HYCC1: variants seen among roughly 807,000 people sequenced by gnomAD.
HYCC1 encodes hyccin PI4KA lipid kinase complex subunit 1, also known as hyccin.
At chr7:22,901,656 C>G in the HYCC1 span, among the ~76,000 whole-genome samples, 1 of 151,874 alleles carries the variant, frequency 6.6e-6, no homozygotes, top group East Asian at 1.9e-4. Context: ...ATTAAATAAA[C>G]AATAAGACAA....
chr7:22,904,061 C>T, the HYCC1 span, among the ~76,000 whole-genome samples: 1 of 151,996 alleles, frequency 6.6e-6, no homozygotes, highest in Non-Finnish European at 1.5e-5. Flanking sequence ...AAATGTATAA[C>T]ATAGTAAGAC....
chr7:22,944,550 G>T, the HYCC1 span: 8 of 152,078 alleles, frequency 5.3e-5, no homozygotes, highest in South Asian at 1.5e-3. Flanking sequence ...AACAACTTTA[G>T]TTAATATATA....
chr7:22,935,540 C>T, the HYCC1 span: 5 of 152,196 alleles, frequency 3.3e-5, no homozygotes, highest in African/African-American at 1.2e-4. Context: ...TTTTGTCCTC[C>T]TAATATCCTG....
At chr7:22,960,394 A>C in the HYCC1 span, 18 of 1,613,370 alleles carry the variant, frequency 1.1e-5, no homozygotes, top group Non-Finnish European at 1.5e-5. Context: ...TGAGGCAATG[A>C]AGCCTTTATT....
At chr7:22,990,502 G>A in the HYCC1 span, among the ~76,000 whole-genome samples, 1 of 152,112 alleles carries the variant, frequency 6.6e-6, no homozygotes, top group African/African-American at 2.4e-5. Flanking sequence ...TGTCACATAA[G>A]GACAGAGAAA....
At chr7:22,988,801 C>T in the HYCC1 span, among the ~76,000 whole-genome samples, 4 of 152,118 alleles carry the variant, frequency 2.6e-5, no homozygotes, top group Admixed American at 6.5e-5. Flanking sequence ...TTTCTTCAAT[C>T]AACTTATTTG....
chr7:22,970,934 A>C, the HYCC1 span, among the ~76,000 whole-genome samples: 1 of 152,210 alleles, frequency 6.6e-6, no homozygotes, highest in Non-Finnish European at 1.5e-5. Context: ...GCTGAGTGCC[A>C]TAACAGCTAT....
At chr7:22,978,481 T>C in the HYCC1 span, 1 of 1,547,542 alleles carries the variant, frequency 6.5e-7, no homozygotes. Flanking sequence ...ATTCAAGAAC[T>C]GGACTGTATT....
At chr7:22,990,927 A>G in the HYCC1 span, 1 of 660,608 alleles carries the variant, frequency 1.5e-6, no homozygotes, top group Non-Finnish European at 2.7e-6. Flanking sequence ...ATAACTCTCT[A>G]TTGAGATTTG....
At chr7:22,938,919 T>G in the HYCC1 span, 7 of 152,174 alleles carry the variant, frequency 4.6e-5, no homozygotes, top group African/African-American at 1.4e-4. Context: ...CAGGCTGTCT[T>G]TAGACCACAC....
At chr7:22,930,743 G>A in the HYCC1 span, among the ~76,000 whole-genome samples, 1 of 151,876 alleles carries the variant, frequency 6.6e-6, no homozygotes, top group African/African-American at 2.4e-5. Context: ...AATAATCAAA[G>A]AAACATAAAA....
At chr7:22,917,642 T>C in the HYCC1 span, among the ~76,000 whole-genome samples, 2 of 152,184 alleles carry the variant, frequency 1.3e-5, no homozygotes, top group Non-Finnish European at 2.9e-5. Flanking sequence ...TCAGACATAA[T>C]TCCTGGGTTT....
chr7:22,982,178 G>T, the HYCC1 span, among the ~76,000 whole-genome samples: 7,595 of 152,192 alleles, frequency 0.05, 211 homozygotes, highest in Non-Finnish European at 0.054. Flanking sequence ...ACCAAACATG[G>T]AAAACCTTAA....
chr7:22,968,887 G>A, the HYCC1 span, among the ~76,000 whole-genome samples: 1 of 152,126 alleles, frequency 6.6e-6, no homozygotes, highest in Non-Finnish European at 1.5e-5. Context: ...TCACGAGGCT[G>A]AGGCAGGAGA....
the HYCC1 span, among the ~76,000 whole-genome samples, chr7:22,959,205 A>G: frequency 6.6e-6 from 1 of 152,148 alleles, no homozygotes; most frequent in Admixed American, 6.6e-5. Context: ...AAAAACACCA[A>G]AAATGATCAC....
At chr7:23,014,028 C>T in the HYCC1 span, 3 of 471,134 alleles carry the variant, frequency 6.4e-6, no homozygotes, top group Admixed American at 7.0e-5. Flanking sequence ...GCACCACCTG[C>T]TCCCCTTCTT....
chr7:22,955,337 CTTAA>C, the HYCC1 span, among the ~76,000 whole-genome samples: 1 of 150,912 alleles, frequency 6.6e-6, no homozygotes, highest in Non-Finnish European at 1.5e-5. Flanking sequence ...CAAAACTGTT[CTTAA>C]TTAATAATCT....
At chr7:22,934,459 AT>A in the HYCC1 span, 2 of 151,974 alleles carry the variant, frequency 1.3e-5, no homozygotes, top group East Asian at 3.9e-4. Context: ...TTTTACCCAG[AT>A]TTGGCAAATT....
the HYCC1 span, among the ~76,000 whole-genome samples, chr7:22,997,769 T>G: frequency 6.6e-6 from 1 of 152,156 alleles, no homozygotes; most frequent in Non-Finnish European, 1.5e-5. Flanking sequence ...AAGAGAGGTT[T>G]GGGAAGTCTT....
Sources: gnomAD v4.1 joint callset for allele counts (sites outside exome capture counted in the v4.1 genomes callset) on GRCh38, gnomAD v4.1.1 for gene constraint, MANE v1.5 for transcripts, NCBI Gene and HGNC (gene_info 2026-07-23, HGNC 2026-07-21) for gene names.